Variants in MIPEP observed in about 807,000 individuals in gnomAD.
MIPEP encodes mitochondrial intermediate peptidase.
Under a neutral mutation model 90.3 loss-of-function variants are expected in MIPEP, and 79 were observed. That is an observed-to-expected ratio of 0.87 (90% CI 0.73 to 1.05). The LOEUF is 1.05. MIPEP is among the 50% of genes least tolerant of loss of function. MIPEP has a pLI of 0.00. For missense variants in MIPEP, 940 were observed against 905.6 expected, an observed-to-expected ratio of 1.04 and a Z score of -0.49; for synonymous variants, 334 against 315.8, an observed-to-expected ratio of 1.06 and a Z score of -0.61.
At chr13:23,886,307 T>A in intron 2 of MIPEP, 26 bp downstream of exon 2, 1 of 1,429,408 alleles carries the variant, frequency 7.0e-7, no homozygotes, top group Non-Finnish European at 9.2e-7. Flanking sequence ...GAGAGGTAGC[T>A]TCAAGTCTGA....
intron 16 of MIPEP, among the ~76,000 whole-genome samples, chr13:23,785,448 T>C (rs1054188078): frequency 2.2e-5 from 3 of 139,490 alleles, no homozygotes; most frequent in East Asian, 4.3e-4. Flanking sequence ...ATGAGAACAC[T>C]TGGACATCAT....
chr13:23,885,371 A>G (rs1871431792), intron 2 of MIPEP, among the ~76,000 whole-genome samples: 1 of 152,178 alleles, frequency 6.6e-6, no homozygotes, highest in Non-Finnish European at 1.5e-5. Flanking sequence ...AGTAAGACCT[A>G]CTATTCGATA....
In MIPEP at chr13:23,730,332, G is replaced by A. The variant is rs376600956; in HGVS notation, c.*16C>T. The A allele has an allele frequency of 7.8e-6, 12 of 1,528,738 alleles. No individual in the cohort carries two copies. The African/African-American group carries it at 1.6e-4, about 21-fold the overall frequency. The allele number at this position is 1,528,738 out of a possible 1,614,324, so 94.7% of individuals were successfully genotyped here. ...TATCTACATGACCTTGATTTAAGAG[G>A]TGTAGAGTGTTTCTTTTATTCAGAA... On this transcript the variant is annotated 3_prime_UTR_variant, in exon 19 of 19. Coordinates refer to ENST00000382172, the MANE Select transcript of MIPEP (RefSeq NM_005932.4).
chr13:23,791,609 A>G (rs1324276579), intron 16 of MIPEP, among the ~76,000 whole-genome samples: 1 of 151,996 alleles, frequency 6.6e-6, no homozygotes, highest in African/African-American at 2.4e-5. Context: ...CCCCTTGTCT[A>G]TTCTCCCCTG....
At chr13:23,810,743 G>A (rs1326838536) in intron 14 of MIPEP, among the ~76,000 whole-genome samples, 2 of 152,210 alleles carry the variant, frequency 1.3e-5, no homozygotes, top group Non-Finnish European at 2.9e-5. Context: ...GAATGAGAAC[G>A]TGGGCTGTCT....
chr13:23,771,159 C>A (rs1952646289), intron 16 of MIPEP, among the ~76,000 whole-genome samples: 1 of 152,158 alleles, frequency 6.6e-6, no homozygotes, highest in South Asian at 2.1e-4. Flanking sequence ...AACACCAGAT[C>A]CCACAACCAC....
chr13:23,823,613 G>A (rs919054361), intron 14 of MIPEP, among the ~76,000 whole-genome samples: 2 of 152,202 alleles, frequency 1.3e-5, no homozygotes, highest in African/African-American at 2.4e-5. Context: ...AGGACTGCTT[G>A]AGGCTGAATG....
At chr13:23,823,612 T>C (rs1007470080) in intron 14 of MIPEP, among the ~76,000 whole-genome samples, 1 of 152,286 alleles carries the variant, frequency 6.6e-6, no homozygotes, top group South Asian at 2.1e-4. Flanking sequence ...GAGGACTGCT[T>C]GAGGCTGAAT....
At chr13:23,823,413 T>C (rs1326131595) in intron 14 of MIPEP, among the ~76,000 whole-genome samples, 6 of 152,238 alleles carry the variant, frequency 3.9e-5, no homozygotes, top group African/African-American at 1.4e-4. Context: ...TCCCTGCATC[T>C]GAAACATCTG....
At chr13:23,736,239 T>C (rs1256867235) in intron 18 of MIPEP, among the ~76,000 whole-genome samples, 1 of 152,034 alleles carries the variant, frequency 6.6e-6, no homozygotes, top group Admixed American at 6.6e-5. Context: ...AACTTTACAA[T>C]TAAAAAGAGA....
chr13:23,878,080 G>A (rs1871140155), intron 4 of MIPEP, among the ~76,000 whole-genome samples: 1 of 152,088 alleles, frequency 6.6e-6, no homozygotes, highest in Non-Finnish European at 1.5e-5. Context: ...ACAAACAGGG[G>A]CATGTCGATC....
At chr13:23,803,033 T>G (rs940427132) in intron 16 of MIPEP, among the ~76,000 whole-genome samples, 1 of 152,094 alleles carries the variant, frequency 6.6e-6, no homozygotes, top group Admixed American at 6.6e-5. Context: ...TTGAGAAGCA[T>G]CTGTATAAAA....
intron 14 of MIPEP, among the ~76,000 whole-genome samples, chr13:23,811,820 C>T (rs1169819982): frequency 6.6e-6 from 1 of 152,200 alleles, no homozygotes; most frequent in African/African-American, 2.4e-5. Flanking sequence ...TCATCCACAG[C>T]TTATCAACTG....
In MIPEP at chr13:23,836,277, A is replaced by C. The variant is rs1869038936; in HGVS notation, c.1616T>G (p.Val539Gly). The C allele has an allele frequency of 6.2e-7, 1 of 1,606,820 alleles. No homozygotes were observed. The highest frequency in any genetic ancestry group is 8.5e-7 in the Non-Finnish European group (1 of 1,177,034). Residue 539 changes from valine to glycine, a missense_variant, in exon 14 of 19, where the codon GTA becomes GGA. Val to Gly is a moderately radical substitution (Grantham distance 109). Coordinates refer to ENST00000382172, the MANE Select transcript of MIPEP (RefSeq NM_005932.4). ...LMEYFANDYR[V>G]VNQFARHYQT... is the part of the protein sequence containing the mutation. Reference sequence around the variant, plus strand: ...ATAATGTCTGGCAAATTGGTTAACTACTCGATAATCATTTGCAAAGTACTC... The same window carrying C: ...ATAATGTCTGGCAAATTGGTTAACTCCTCGATAATCATTTGCAAAGTACTC...
chr13:23,752,888 C>T (rs1952455747), intron 18 of MIPEP, among the ~76,000 whole-genome samples: 1 of 152,086 alleles, frequency 6.6e-6, no homozygotes, highest in African/African-American at 2.4e-5. Context: ...TCTGTACACA[C>T]ACCCCACCCC....
rs139013718 is a variant in MIPEP at position 23,847,672 on chromosome 13, A to C, written c.1107-6184T>G. Among the ~76,000 whole-genome samples, 745 of 152,274 alleles carry C rather than the reference A, an allele frequency of 4.9e-3. 7 individuals are homozygous for C. Among genetic ancestry groups the C allele is most frequent in the African/African-American group, 0.017 (706 of 41,550 alleles). ...CTGGGGGAAGTTCGGCAGGAAAAAAATGAGATAGTACCACAGTCTCTCCAA... is the reference window on the plus strand; with the variant it reads ...CTGGGGGAAGTTCGGCAGGAAAAAACTGAGATAGTACCACAGTCTCTCCAA... On this transcript the variant is annotated intron_variant, in intron 10 of 18. Transcript: ENST00000382172.
rs144916243 is a variant in MIPEP at position 23,798,049 on chromosome 13, G to C, written c.1848+7901C>G. Among the ~76,000 whole-genome samples, 347 of 152,330 alleles carry C rather than the reference G, an allele frequency of 2.3e-3. 2 individuals carry two copies. The highest frequency in any genetic ancestry group is 6.8e-3 in the Middle Eastern group (2 of 294). On this transcript the variant is annotated intron_variant, in intron 16 of 18. Transcript: ENST00000382172. Reference sequence around the variant, plus strand: ...TATTTACTGTTACATCCATTGCTTAGACCATGTGGTAGCACGTAGTAGGCA... The same window carrying C: ...TATTTACTGTTACATCCATTGCTTACACCATGTGGTAGCACGTAGTAGGCA...
intron 16 of MIPEP, among the ~76,000 whole-genome samples, chr13:23,771,502 A>G (rs1227156933): frequency 1.3e-5 from 2 of 151,840 alleles, no homozygotes; most frequent in East Asian, 3.9e-4. Context: ...TTATCAACAA[A>G]TAGGTAACAT....
In MIPEP at chr13:23,854,787, G is replaced by A. The variant is rs540596908; in HGVS notation, c.1106+4073C>T. ...CATGCCTGTAATCCCTGCTACTCGG[G>A]AGGCTGAGGCAGGAGAATCACTTGA... On this transcript the variant is annotated intron_variant, in intron 10 of 18. Coordinates refer to ENST00000382172, the MANE Select transcript of MIPEP (RefSeq NM_005932.4). 4.6e-5 allele frequency among the ~76,000 whole-genome samples: 7 copies of A among 152,134 alleles called. No homozygotes were observed. In the South Asian group the frequency reaches 1.5e-3, roughly 32 times the overall value.
Sources: allele counts gnomAD v4.1 joint callset (sites outside exome capture counted in the v4.1 genomes callset), GRCh38; gene constraint gnomAD v4.1.1; transcripts MANE v1.5; gene names NCBI Gene and HGNC (gene_info 2026-07-23, HGNC 2026-07-21).